The following SNX29 variants were observed in gnomAD, a reference collection of about 807,000 sequenced individuals.
The protein encoded by SNX29 is sorting nexin-29.
Under a neutral mutation model 102.1 loss-of-function variants are expected in SNX29, and 78 were observed. The ratio of observed to expected loss-of-function variants is 0.76; its 90% confidence interval spans 0.64 to 0.92. SNX29 has a LOEUF of 0.92. Among genes scored for constraint, SNX29 ranks in the 40% least tolerant of loss-of-function variants. The probability of loss-of-function intolerance (pLI) is 0.00; values close to 1 mark genes in which losing one functional copy is unlikely to be tolerated. For missense variants in SNX29, 1,280 were observed against 1,061.7 expected, an observed-to-expected ratio of 1.21 and a Z score of -2.86; for synonymous variants, 580 against 414.5, an observed-to-expected ratio of 1.40 and a Z score of -4.85.
chr16:12,157,123 G>T (rs2055585098), intron 13 of SNX29, among the ~76,000 whole-genome samples: 1 of 152,172 alleles, frequency 6.6e-6, no homozygotes, highest in Non-Finnish European at 1.5e-5. Flanking sequence ...CAGCCGGAGA[G>T]TCCCCCGAGG....
intron 20 of SNX29, among the ~76,000 whole-genome samples, chr16:12,542,156 C>G (rs1051175618): frequency 3.9e-5 from 6 of 152,184 alleles, no homozygotes; most frequent in East Asian, 3.9e-4. Flanking sequence ...TACCTGGGCT[C>G]CTGCTGGGTG....
At chr16:11,998,596 A>C (rs1306880019) in intron 1 of SNX29, among the ~76,000 whole-genome samples, 3 of 152,140 alleles carry the variant, frequency 2.0e-5, no homozygotes, top group Admixed American at 1.3e-4. Flanking sequence ...GTGGTGGCAA[A>C]ATGCTACTCT....
intron 14 of SNX29, among the ~76,000 whole-genome samples, chr16:12,277,410 A>C (rs2079286236): frequency 6.6e-6 from 1 of 152,058 alleles, no homozygotes; most frequent in South Asian, 2.1e-4. Flanking sequence ...ATCTCAAAAA[A>C]ACAAACAAAA....
rs1329898976 is a variant in SNX29, at chr16:12,098,565, G to T, written c.1402+19650G>T. Among the ~76,000 whole-genome samples the T allele has an allele frequency of 6.6e-5, 10 of 152,134 alleles. No homozygotes were observed. Among genetic ancestry groups the T allele is most frequent in the Non-Finnish European group, 1.3e-4 (9 of 68,044 alleles). ...CGGTTTCATGTGCGCAGACGATTCA[G>T]TTTCATGCGCGCCCGATTCAGTTTC... On this transcript the variant is annotated intron_variant, in intron 11 of 20. Transcript: ENST00000566228. The surrounding 1 kb of genome is among the most constrained non-coding windows in gnomAD (Gnocchi z 6.0).
chr16:12,136,415 C>T (rs1256442389), intron 13 of SNX29, among the ~76,000 whole-genome samples: 1 of 152,234 alleles, frequency 6.6e-6, no homozygotes, highest in Non-Finnish European at 1.5e-5. Flanking sequence ...TTCTCAGTTT[C>T]CCCACTGATG....
chr16:12,255,301 T>C (rs2078538281), intron 14 of SNX29, among the ~76,000 whole-genome samples: 1 of 152,154 alleles, frequency 6.6e-6, no homozygotes, highest in Admixed American at 6.5e-5. Context: ...GTTCAAGTGA[T>C]TCTCCTGCCT....
chr16:12,396,085 A>G (rs1293105484), intron 16 of SNX29, among the ~76,000 whole-genome samples: 1 of 152,168 alleles, frequency 6.6e-6, no homozygotes, highest in Non-Finnish European at 1.5e-5. Flanking sequence ...ATTAGAAGAA[A>G]AGCCTCTAAG....
intron 4 of SNX29, among the ~76,000 whole-genome samples, chr16:12,029,225 C>A (rs1225346755): frequency 6.6e-6 from 1 of 150,776 alleles, no homozygotes; most frequent in Non-Finnish European, 1.5e-5. Context: ...ATGAGTTGTT[C>A]AATAAACACA....
chr16:12,199,394 A>G (rs986156319), intron 13 of SNX29, among the ~76,000 whole-genome samples: 8 of 152,198 alleles, frequency 5.3e-5, no homozygotes, highest in African/African-American at 1.9e-4. Flanking sequence ...TCATGAAAGA[A>G]TAGTTCTTAA....
chr16:12,553,601 C>G (rs1269545722), intron 20 of SNX29, among the ~76,000 whole-genome samples: 2 of 123,688 alleles, frequency 1.6e-5, no homozygotes, highest in Non-Finnish European at 3.3e-5. Flanking sequence ...CCACCCCCCA[C>G]CCCTGCAAGA....
chr16:12,124,842 T>C (rs911672491), intron 11 of SNX29, among the ~76,000 whole-genome samples: 3 of 152,156 alleles, frequency 2.0e-5, no homozygotes, highest in Admixed American at 6.5e-5. Context: ...AAGGAACCAA[T>C]GTTGAGATGG....
At chr16:12,547,143 A>G (rs1246454665) in intron 20 of SNX29, among the ~76,000 whole-genome samples, 1 of 152,246 alleles carries the variant, frequency 6.6e-6, no homozygotes. Context: ...CACAGAGGGA[A>G]AGAAGCCTGC....
chr16:12,218,225 C>T (rs1199717349), intron 14 of SNX29, among the ~76,000 whole-genome samples: 1 of 151,878 alleles, frequency 6.6e-6, no homozygotes, highest in Non-Finnish European at 1.5e-5. Context: ...TAATATATGC[C>T]CTTTATAACA....
rs556672705 is a variant in SNX29, at chr16:12,568,589, G to A, written c.2402G>A (p.Arg801Gln). The A allele has an allele frequency of 5.9e-5, 95 of 1,606,580 alleles. No individual in the cohort carries two copies. Among genetic ancestry groups the A allele is most frequent in the South Asian group, 9.9e-5 (9 of 91,080 alleles). The change falls in exon 21 of 21, where the codon CGG becomes CAG. Residue 801 changes from arginine (R) to glutamine (Q), a missense_variant. Arg to Gln is a conservative substitution (Grantham distance 43). Coordinates refer to ENST00000566228, the MANE Select transcript of SNX29 (RefSeq NM_032167.5). The stretch of plus-strand genomic sequence containing the variant: ...CCCAAACTGTCCCGGGGTCAGCCCC[G>A]GGAGACCCGCAACGTGGAGCCCCAG... ...RFPKLSRGQPRETRNVEPQSG... is the reference protein window; with the variant it reads ...RFPKLSRGQPQETRNVEPQSG...
chr16:12,264,003 G>C (rs1024538645), intron 14 of SNX29, among the ~76,000 whole-genome samples: 1 of 152,158 alleles, frequency 6.6e-6, no homozygotes, highest in Non-Finnish European at 1.5e-5. Context: ...CATGCTTTCC[G>C]GACCAGGCAC....
rs1324125271 is a variant in SNX29, at chr16:12,524,706, C to G, written c.2183C>G (p.Ala728Gly). 1.2e-6 allele frequency: 2 copies of G among 1,612,800 alleles called. No homozygotes were observed. The highest frequency in any genetic ancestry group is 1.3e-5 in the African/African-American group (1 of 74,674). Residue 728 changes from alanine (A) to glycine (G), a missense_variant, in exon 20 of 21, where the codon GCC becomes GGC. By Grantham distance (60) the Ala-to-Gly change is moderately conservative. Transcript: ENST00000566228. ...PPKKAIGNKD[A>G]KFVEERRKQL... ...AGATGTTTTGTGTTTCCTCAGGATGCCAAGTTTGTGGAGGAACGGAGAAAG... is the reference window on the plus strand; with the variant it reads ...AGATGTTTTGTGTTTCCTCAGGATGGCAAGTTTGTGGAGGAACGGAGAAAG...
chr16:12,539,819 T>G (rs560696247), intron 20 of SNX29, among the ~76,000 whole-genome samples: 2 of 152,336 alleles, frequency 1.3e-5, no homozygotes, highest in East Asian at 1.9e-4. Flanking sequence ...ATGTTTTCCT[T>G]TAACACATCC....
intron 14 of SNX29, among the ~76,000 whole-genome samples, chr16:12,276,620 C>G (rs994554562): frequency 4.6e-5 from 7 of 152,192 alleles, no homozygotes; most frequent in Admixed American, 1.3e-4. Context: ...ACACAGGAAA[C>G]TGATCCTGCA....
intron 14 of SNX29, among the ~76,000 whole-genome samples, chr16:12,209,576 G>T (rs2077130299): frequency 6.6e-6 from 1 of 152,136 alleles, no homozygotes; most frequent in African/African-American, 2.4e-5. Context: ...CCAGATCCTG[G>T]TGGGGCTCAA....
Sources: gnomAD v4.1 joint callset for allele counts (sites outside exome capture counted in the v4.1 genomes callset) on GRCh38, gnomAD v4.1.1 for gene constraint, Gnocchi (gnomAD v3.1) non-coding constraint, MANE v1.5 for transcripts, NCBI Gene and HGNC (gene_info 2026-07-23, HGNC 2026-07-21) for gene names.